Variants in HMGCLL1 observed in about 807,000 individuals in gnomAD.
The protein encoded by HMGCLL1 is 3-hydroxy-3-methylglutaryl-CoA lyase like 1.
HMGCLL1 carries 36 observed loss-of-function variants against 39.1 expected under a neutral mutation model. The observed-to-expected ratio is 0.92, with a 90% confidence interval of 0.71 to 1.22. HMGCLL1 has a LOEUF of 1.22. Ranked by LOEUF, HMGCLL1 falls within the 50% of genes most tolerant of loss-of-function variation. The pLI, the probability that HMGCLL1 is intolerant of heterozygous loss-of-function variation, is 0.00. For missense variants in HMGCLL1, 451 were observed against 416.5 expected, an observed-to-expected ratio of 1.08 and a Z score of -0.72; for synonymous variants, 149 against 144.0, an observed-to-expected ratio of 1.03 and a Z score of -0.25.
the HMGCLL1 span, among the ~76,000 whole-genome samples, chr6:55,642,646 A>G: frequency 6.6e-6 from 1 of 152,052 alleles, no homozygotes; most frequent in Non-Finnish European, 1.5e-5. Context: ...TAAAACTTCT[A>G]CTTTACGTTC....
At chr6:55,662,789 T>C in the HMGCLL1 span, among the ~76,000 whole-genome samples, 39 of 151,988 alleles carry the variant, frequency 2.6e-4, no homozygotes, top group East Asian at 7.0e-3. Flanking sequence ...CTGGTAGAAT[T>C]TGGCTGTGAA....
chr6:55,472,146 C>T (rs548047531), intron 7 of HMGCLL1, among the ~76,000 whole-genome samples: 1 of 151,740 alleles, frequency 6.6e-6, no homozygotes, highest in African/African-American at 2.4e-5. Context: ...TACATGCATA[C>T]ATTTCTATTG....
intron 1 of HMGCLL1, among the ~76,000 whole-genome samples, chr6:55,550,784 C>T (rs1770284305): frequency 6.6e-6 from 1 of 151,460 alleles, no homozygotes; most frequent in Non-Finnish European, 1.5e-5. Flanking sequence ...AAGGGACACC[C>T]GGCAATGTCT....
At chr6:55,508,136 C>T (rs1767262103) in intron 5 of HMGCLL1, among the ~76,000 whole-genome samples, 1 of 151,704 alleles carries the variant, frequency 6.6e-6, no homozygotes, top group South Asian at 2.1e-4. Flanking sequence ...TTTGGAGGGC[C>T]TGGTTAACAA....
chr6:55,535,707 G>C (rs764893433), intron 3 of HMGCLL1, among the ~76,000 whole-genome samples: 4 of 152,234 alleles, frequency 2.6e-5, no homozygotes, highest in Middle Eastern at 3.4e-3. Flanking sequence ...AATTTCACCA[G>C]GAACCTCTTT....
At chr6:55,485,611 GA>G (rs1191401016) in intron 7 of HMGCLL1, among the ~76,000 whole-genome samples, 4 of 151,588 alleles carry the variant, frequency 2.6e-5, no homozygotes, top group Middle Eastern at 3.2e-3. Flanking sequence ...AATTTGTGAG[GA>G]AAAAACATTT....
chr6:55,597,212 C>T, the HMGCLL1 span, among the ~76,000 whole-genome samples: 1 of 151,934 alleles, frequency 6.6e-6, no homozygotes, highest in African/African-American at 2.4e-5. Flanking sequence ...TTACAAACAT[C>T]ATGTCAATAA....
chr6:55,547,219 T>TA (rs1561954227), intron 1 of HMGCLL1, among the ~76,000 whole-genome samples: 2 of 152,042 alleles, frequency 1.3e-5, no homozygotes, highest in Non-Finnish European at 2.9e-5. Flanking sequence ...AGAACATAAG[T>TA]AATGTGCTTC....
chr6:55,585,154 T>C, the HMGCLL1 span, among the ~76,000 whole-genome samples: 1 of 152,064 alleles, frequency 6.6e-6, no homozygotes, highest in Non-Finnish European at 1.5e-5. Context: ...TGAGAATAAG[T>C]AATGAGTTCT....
chr6:55,563,947 C>A (rs1771089918), intron 1 of HMGCLL1: 1 of 1,167,716 alleles, frequency 8.6e-7, no homozygotes, highest in African/African-American at 1.6e-5. Flanking sequence ...GCTGTTGAAA[C>A]AGGGCATTGA....
chr6:55,652,069 AT>A, the HMGCLL1 span, among the ~76,000 whole-genome samples: 9 of 151,812 alleles, frequency 5.9e-5, no homozygotes, highest in Non-Finnish European at 1.0e-4. Context: ...TTTTCGCCTG[AT>A]TTTTTCGTTC....
chr6:55,590,018 C>T, the HMGCLL1 span, among the ~76,000 whole-genome samples: 1 of 152,074 alleles, frequency 6.6e-6, no homozygotes, highest in Non-Finnish European at 1.5e-5. Context: ...CATCAAGCTA[C>T]CAATGACTTT....
the HMGCLL1 span, among the ~76,000 whole-genome samples, chr6:55,637,384 G>A: frequency 1.3e-5 from 2 of 152,104 alleles, no homozygotes; most frequent in African/African-American, 4.8e-5. Flanking sequence ...AATTAAAGCT[G>A]AGGGGAATAA....
At chr6:55,661,164 T>A in the HMGCLL1 span, among the ~76,000 whole-genome samples, 1 of 151,996 alleles carries the variant, frequency 6.6e-6, no homozygotes, top group East Asian at 1.9e-4. Context: ...ACTCTATAGG[T>A]TGTCTATTCA....
chr6:55,645,619 C>A, the HMGCLL1 span, among the ~76,000 whole-genome samples: 1 of 151,906 alleles, frequency 6.6e-6, no homozygotes, highest in Non-Finnish European at 1.5e-5. Context: ...GGATATTGAA[C>A]TTTATCAAAT....
At chr6:55,585,255 A>G in the HMGCLL1 span, among the ~76,000 whole-genome samples, 5 of 152,112 alleles carry the variant, frequency 3.3e-5, no homozygotes, top group Admixed American at 6.6e-5. Flanking sequence ...ATTTATCCAG[A>G]TGTAGGAGTC....
At chr6:55,568,230 A>C (rs1232836019) in intron 1 of HMGCLL1, among the ~76,000 whole-genome samples, 1 of 152,138 alleles carries the variant, frequency 6.6e-6, no homozygotes, top group Non-Finnish European at 1.5e-5. Context: ...TTCATTTAGG[A>C]CTAAATTCTG....
At chr6:55,524,610 A>G (rs534367597) in intron 3 of HMGCLL1, among the ~76,000 whole-genome samples, 2 of 152,070 alleles carry the variant, frequency 1.3e-5, no homozygotes, top group East Asian at 3.9e-4. Flanking sequence ...CATATCAATT[A>G]GCAAGAGCAC....
At chr6:55,601,685 C>T in the HMGCLL1 span, among the ~76,000 whole-genome samples, 7 of 152,022 alleles carry the variant, frequency 4.6e-5, no homozygotes, top group African/African-American at 1.7e-4. Context: ...AGTCCATTCA[C>T]TTTCGAATTT....
Sources: allele counts gnomAD v4.1 joint callset (sites outside exome capture counted in the v4.1 genomes callset), GRCh38; gene constraint gnomAD v4.1.1; transcripts MANE v1.5; gene names NCBI Gene and HGNC (gene_info 2026-07-23, HGNC 2026-07-21).